GOLGB1: variants seen among roughly 807,000 people sequenced by gnomAD.
GOLGB1 encodes golgin subfamily B member 1.
Under a neutral mutation model 336.9 loss-of-function variants are expected in GOLGB1, and 174 were observed. That is an observed-to-expected ratio of 0.52 (90% CI 0.46 to 0.59). The LOEUF (loss-of-function observed/expected upper bound fraction) is 0.59. Ranked by LOEUF, GOLGB1 falls within the 20% of genes least tolerant of loss-of-function variation. GOLGB1 has a pLI of 0.00. For missense variants in GOLGB1, 3,331 were observed against 3,645.3 expected (o/e 0.91, Z 2.22); for synonymous variants, 1,208 against 1,289.2 (o/e 0.94, Z 1.35).
chr3:121,729,905 T>C lies in GOLGB1; in HGVS notation c.209A>G (p.Gln70Arg), dbSNP rs1945957092. Residue 70 changes from glutamine to arginine, a missense_variant, in exon 3 of 22, where the codon CAG becomes CGG. Gln to Arg is a conservative substitution (Grantham distance 43, BLOSUM62 1). Coordinates refer to ENST00000614479, the MANE Select transcript of GOLGB1 (RefSeq NM_001366282.2). ...TTTCTGCTGCAGTTGAACATCCTTC[T>C]GTCTAATAATATCTTTTAGCTCCAC... is the stretch of plus-strand genomic sequence containing the variant. ...LVVELKDIIRQKDVQLQQKDE... is the reference protein window; with the variant it reads ...LVVELKDIIRRKDVQLQQKDE... 1 of 1,612,256 alleles carries C rather than the reference T, an allele frequency of 6.2e-7. No homozygotes were observed. Among genetic ancestry groups the C allele is most frequent in the Admixed American group, 1.7e-5 (1 of 59,976 alleles).
At chr3:121,711,944 T>A (rs748485716) in intron 10 of GOLGB1, among the ~76,000 whole-genome samples, 178 of 152,308 alleles carry the variant, frequency 1.2e-3, no homozygotes, top group Non-Finnish European at 2.2e-3. Context: ...TGTCTTTTTT[T>A]AAAAAGTAGA....
chr3:121,675,936 C>T (rs545824208), intron 17 of GOLGB1, among the ~76,000 whole-genome samples: 2 of 152,094 alleles, frequency 1.3e-5, no homozygotes, highest in Admixed American at 6.6e-5. Context: ...AAAAAAGAGA[C>T]AGGCTAGAGC....
chr3:121,692,119 A>G lies in GOLGB1; in HGVS notation c.7245T>C (p.Ile2415=), dbSNP rs754320865. The stretch of plus-strand genomic sequence containing the variant: ...GGGACAGCAGGTTTTCCAGCTCTTT[A>G]ATTTCTTTATCATGTTGCTGACGCA... ...AELRQQHDKE[I]KELENLLSQE... is the part of the protein sequence containing the mutation. Residue 2415 remains isoleucine, a synonymous_variant, in exon 14 of 22, where the codon ATT becomes ATC. Transcript: ENST00000614479. 3.7e-6 allele frequency: 6 copies of G among 1,613,364 alleles called. No individual in the cohort carries two copies. The highest frequency in any genetic ancestry group is 5.1e-6 in the Non-Finnish European group (6 of 1,179,716).
chr3:121,712,738 A>G (rs932471284), intron 10 of GOLGB1, among the ~76,000 whole-genome samples: 1 of 152,234 alleles, frequency 6.6e-6, no homozygotes, highest in African/African-American at 2.4e-5. Context: ...GGGAAATGCA[A>G]ATTTAAACCA....
chr3:121,747,562 C>A (rs1947454897), intron 1 of GOLGB1, among the ~76,000 whole-genome samples: 1 of 151,416 alleles, frequency 6.6e-6, no homozygotes, highest in African/African-American at 2.4e-5. Context: ...GCTGTGTAGC[C>A]ATGGAAAGGA....
intron 8 of GOLGB1, among the ~76,000 whole-genome samples, chr3:121,717,630 C>T (rs144967101): frequency 6.6e-6 from 1 of 152,218 alleles, no homozygotes; most frequent in Non-Finnish European, 1.5e-5. Flanking sequence ...TACCTTCATA[C>T]TCAAGAGAAT....
chr3:121,695,354 A>C lies in GOLGB1; in HGVS notation c.5169T>G (p.Leu1723=). The C allele has an allele frequency of 6.2e-7, 1 of 1,614,058 alleles. No homozygotes were observed. Among genetic ancestry groups the C allele is most frequent in the South Asian group, 1.1e-5 (1 of 91,070 alleles). ...CTTCCTTCATGCTGGCATTGGAAGA[A>C]AGAAGTGTTTCCATACACTCTTTAG... ...DTAKECMETL[L]SSNASMKEEL... is the part of the protein sequence containing the mutation. Residue 1723 remains leucine (L), a synonymous_variant, in exon 13 of 22, where the codon CTT becomes CTG. Transcript: ENST00000614479.
At position 121,691,932 on chromosome 3, in the gene GOLGB1, G is replaced by T. The variant is rs770240812; in HGVS notation, c.7432C>A (p.Arg2478=). Residue 2478 remains arginine, a synonymous_variant, in exon 14 of 22, where the codon CGA becomes AGA. Coordinates refer to ENST00000614479, the MANE Select transcript of GOLGB1 (RefSeq NM_001366282.2). ...TGATAGTCACCCACTATGCGGTCTC[G>T]ATCATTTTGGAGAGAAGACATGGAT... The part of the protein sequence containing the change: ...VKSMSSLQND[R]DRIVGDYQQL... 3 of 1,614,132 alleles carry T rather than the reference G, an allele frequency of 1.9e-6. No individual in the cohort carries two copies. In the South Asian group the frequency reaches 3.3e-5, roughly 18 times the overall value.
intron 14 of GOLGB1, among the ~76,000 whole-genome samples, chr3:121,686,974 G>T (rs1276964146): frequency 1.3e-5 from 2 of 152,062 alleles, no homozygotes; most frequent in African/African-American, 4.8e-5. Context: ...GAAAGGTATG[G>T]ATAAATTACA....
intron 3 of GOLGB1, 90 bp downstream of exon 3, chr3:121,729,775 A>C (rs1945945367): frequency 7.3e-6 from 7 of 961,890 alleles, no homozygotes. Context: ...AGATTCCCTA[A>C]TAATCTAAGT....
chr3:121,694,541 T>G lies in GOLGB1; in HGVS notation c.5982A>C (p.Glu1994Asp). Residue 1994 changes from glutamate to aspartate, a missense_variant, in exon 13 of 22, where the codon GAA becomes GAC. Coordinates refer to ENST00000614479, the MANE Select transcript of GOLGB1 (RefSeq NM_001366282.2). ...KTKVESEIRK[E>D]YLEKIQGAQK... is the part of the protein sequence containing the mutation. ...GAGCACCTTGTATTTTCTCCAAATA[T>G]TCCTTTCGTATTTCTGATTCCACCT... is the stretch of plus-strand genomic sequence containing the variant. 1 of 1,612,770 alleles carries G rather than the reference T, an allele frequency of 6.2e-7. No individual in the cohort carries two copies. The highest frequency in any genetic ancestry group is 2.2e-5 in the East Asian group (1 of 44,868).
intron 1 of GOLGB1, among the ~76,000 whole-genome samples, chr3:121,737,563 A>G (rs1946563048): frequency 6.6e-6 from 1 of 151,982 alleles, no homozygotes; most frequent in South Asian, 2.1e-4. Flanking sequence ...AGGCAGACGA[A>G]TCACTTGAAC....
At chr3:121,727,304 ATATATATATATATATATT>A (rs1945713718) in intron 4 of GOLGB1, among the ~76,000 whole-genome samples, 3 of 26,748 alleles carry the variant, frequency 1.1e-4, no homozygotes, top group African/African-American at 2.6e-4. Context: ...ATATATATAT[ATATATATATATATATATT>A]TTTTTTTTTT....
At chr3:121,676,128 G>A (rs1041862955) in intron 17 of GOLGB1, among the ~76,000 whole-genome samples, 1 of 152,236 alleles carries the variant, frequency 6.6e-6, no homozygotes, top group Admixed American at 6.5e-5. Context: ...ATACTTCAGT[G>A]TCAATTAGTT....
At chr3:121,717,281 G>A in intron 8 of GOLGB1, 142 bp from the exon 9 acceptor site, 2 of 680,942 alleles carry the variant, frequency 2.9e-6, no homozygotes, top group Admixed American at 6.2e-5. Context: ...AAGAAGGAGA[G>A]TTGAAAATTA....
chr3:121,743,562 T>C (rs1025196490), intron 1 of GOLGB1, among the ~76,000 whole-genome samples: 6 of 152,194 alleles, frequency 3.9e-5, no homozygotes, highest in African/African-American at 1.4e-4. Context: ...TATATACCTA[T>C]GTAACAAACC....
chr3:121,728,873 C>T (rs1031244818), intron 4 of GOLGB1, among the ~76,000 whole-genome samples: 2 of 152,136 alleles, frequency 1.3e-5, no homozygotes, highest in East Asian at 3.8e-4. Context: ...AATGATGAAA[C>T]TCCTCCAAAA....
At chr3:121,689,900 A>G (rs1576329826) in intron 14 of GOLGB1, among the ~76,000 whole-genome samples, 1 of 152,130 alleles carries the variant, frequency 6.6e-6, no homozygotes, top group African/African-American at 2.4e-5. Context: ...AGGCAGGAGG[A>G]CTGCTTGAGC....
intron 20 of GOLGB1, among the ~76,000 whole-genome samples, chr3:121,666,250 A>AC (rs887884776): frequency 3.3e-5 from 5 of 152,088 alleles, no homozygotes; most frequent in African/African-American, 1.2e-4. Context: ...TTAATTAGCT[A>AC]CCCCAACTTC....
Sources: gnomAD v4.1 joint callset for allele counts (sites outside exome capture counted in the v4.1 genomes callset) on GRCh38, gnomAD v4.1.1 for gene constraint, MANE v1.5 for transcripts, NCBI Gene and HGNC (gene_info 2026-07-23, HGNC 2026-07-21) for gene names.